Variants in PGAP6 observed in about 807,000 individuals in gnomAD.
The protein encoded by PGAP6 is post-GPI attachment to proteins 6.
In PGAP6, 62 loss-of-function variants were observed where a neutral mutation model predicts 68.4. That is an observed-to-expected ratio of 0.91 (90% CI 0.74 to 1.12). The LOEUF (loss-of-function observed/expected upper bound fraction) is 1.12. Ranked by LOEUF, PGAP6 falls within the 50% of genes most tolerant of loss-of-function variation. The probability of loss-of-function intolerance (pLI) is 0.00; values close to 1 mark genes in which losing one functional copy is unlikely to be tolerated. For missense variants in PGAP6, 1,188 were observed against 1,068.5 expected, an observed-to-expected ratio of 1.11 and a Z score of -1.56; for synonymous variants, 575 against 474.0, an observed-to-expected ratio of 1.21 and a Z score of -2.77.
intron 1 of PGAP6, among the ~76,000 whole-genome samples, 185 bp downstream of exon 1, chr16:381,516 G>A (rs1039879294): frequency 2.6e-5 from 4 of 152,210 alleles, no homozygotes; most frequent in East Asian, 3.9e-4. Context: ...GCGGGGTCCC[G>A]TCCGCCTCGA....
rs866534794 is a variant in PGAP6, at chr16:381,915, G to C, written c.-94C>G. The C allele has an allele frequency of 3.2e-6, 1 of 308,194 alleles. No homozygotes were observed. The highest frequency in any genetic ancestry group is 4.5e-5 in the African/African-American group (1 of 22,306). The allele number at this position is 308,194 out of a possible 1,614,324, so 19.1% of individuals were successfully genotyped here. On this transcript the variant is annotated 5_prime_UTR_variant, in exon 1 of 13. Transcript: ENST00000431232. ...AGCCTCTGCCGCCTCCGCCTCTGCC[G>C]CCTCCGCCTCTGCCCCCGGCGCCCA...
chr16:379,369 A>G (rs1252157210), intron 1 of PGAP6, among the ~76,000 whole-genome samples: 1 of 152,248 alleles, frequency 6.6e-6, no homozygotes, highest in Non-Finnish European at 1.5e-5. Flanking sequence ...GCCAAGCTCC[A>G]GGGGAACCTG....
chr16:380,948 G>A (rs1258694644), intron 1 of PGAP6, among the ~76,000 whole-genome samples: 2 of 152,212 alleles, frequency 1.3e-5, no homozygotes, highest in African/African-American at 2.4e-5. Flanking sequence ...ACAGAGGCCG[G>A]GGCAAGTCCT....
chr16:378,265 GCCATCCCCACCCAC>G (rs2054406696), intron 1 of PGAP6, among the ~76,000 whole-genome samples: 23 of 142,514 alleles, frequency 1.6e-4, no homozygotes, highest in Non-Finnish European at 2.4e-4. Flanking sequence ...CACCCGCACT[GCCATCCCCACCCAC>G]ACTGCCATCG....
upstream of PGAP6, chr16:382,199 C>T (rs1200197324): frequency 4.3e-5 from 17 of 392,042 alleles, no homozygotes; most frequent in Non-Finnish European, 7.2e-5. Context: ...GGTCCCAGGA[C>T]GGAGAGGTCG....
At chr16:380,027 G>T (rs2054424182) in intron 1 of PGAP6, among the ~76,000 whole-genome samples, 1 of 152,220 alleles carries the variant, frequency 6.6e-6, no homozygotes. Context: ...ACCGGGACAG[G>T]CACCCATGGG....
chr16:374,130 G>C lies in PGAP6; in HGVS notation c.1777C>G (p.Pro593Ala), dbSNP rs908997023. The C allele has an allele frequency of 1.9e-6, 3 of 1,611,014 alleles. No individual in the cohort carries two copies. Among genetic ancestry groups the C allele is most frequent in the Non-Finnish European group, 2.5e-6 (3 of 1,179,946 alleles). Residue 593 changes from proline to alanine, a missense_variant, in exon 11 of 13, where the codon CCC becomes GCC. Pro to Ala is a conservative substitution (Grantham distance 27). Coordinates refer to ENST00000431232, the MANE Select transcript of PGAP6 (RefSeq NM_021259.3). ...AGGATGCACAGCACCGCCTCCCCGG[G>C]CTGGTCGCAGGCGTGGTAGAACTGT... ...FSTFYHACDQ[P>A]GEAVLCILSY...
intron 1 of PGAP6, among the ~76,000 whole-genome samples, chr16:378,367 C>T (rs1378702580): frequency 2.5e-5 from 3 of 118,692 alleles, no homozygotes; most frequent in East Asian, 2.2e-4. Context: ...CATCCCCACC[C>T]GCACTGCCAT....
In PGAP6 at chr16:377,412, T is replaced by G. The variant is rs1164985859; in HGVS notation, c.473A>C (p.His158Pro). The change falls in exon 3 of 13, where the codon CAC (histidine) becomes CCC (proline). Residue 158 changes from histidine to proline, a missense_variant. Transcript: ENST00000431232. ...PAPGDWFVAA[H>P]LPPSSQKIEL... ...GATCTTCTGGGATGAGGGGGGCAGG[T>G]GGGCGGCCACGAACCAGTCCCCGGG... 6.2e-7 allele frequency: 1 copy of G among 1,606,040 alleles called. No individual in the cohort carries two copies. Among genetic ancestry groups the G allele is most frequent in the East Asian group, 2.2e-5 (1 of 44,596 alleles).
At chr16:384,769 T>C (rs1429665180), upstream of PGAP6, among the ~76,000 whole-genome samples, 2 of 149,906 alleles carry the variant, frequency 1.3e-5, no homozygotes, top group East Asian at 3.9e-4. Flanking sequence ...GGCAGGAGAA[T>C]GGCGTGAACC....
At position 374,868 on chromosome 16, in the gene PGAP6, G is replaced by C. The variant is rs376440582; in HGVS notation, c.1464C>G (p.His488Gln). 4.3e-6 allele frequency: 7 copies of C among 1,612,840 alleles called. No individual in the cohort carries two copies. The highest frequency in any genetic ancestry group is 1.1e-5 in the South Asian group (1 of 91,086). The change falls in exon 9 of 13, where the codon CAC becomes CAG. Residue 488 changes from histidine (H) to glutamine (Q), a missense_variant. Coordinates refer to ENST00000431232, the MANE Select transcript of PGAP6 (RefSeq NM_021259.3). ...NAEDCEQAVV[H>Q]VETTLYLVPC... ...GCACCAGGTACAAGGTGGTCTCCAC[G>C]TGGACCACAGCCTGCTCACAGTCCC...
intron 1 of PGAP6, among the ~76,000 whole-genome samples, chr16:378,270 C>T (rs2054406783): frequency 6.9e-6 from 1 of 144,316 alleles, no homozygotes; most frequent in African/African-American, 2.6e-5. Flanking sequence ...GCACTGCCAT[C>T]CCCACCCACA....
upstream of PGAP6, chr16:386,759 C>G (rs751648903): frequency 4.7e-6 from 2 of 425,634 alleles, no homozygotes; most frequent in East Asian, 1.2e-4. Context: ...GGCCTTTTCA[C>G]AAGATGGCGC....
intron 1 of PGAP6, among the ~76,000 whole-genome samples, chr16:378,862 CCTAA>C (rs778942555): frequency 3.9e-4 from 59 of 152,354 alleles, no homozygotes; most frequent in Non-Finnish European, 7.1e-4. Flanking sequence ...GGGCAAGGCT[CCTAA>C]CTGTCCTCAG....
chr16:372,945 G>T (rs575007316), intron 11 of PGAP6, among the ~76,000 whole-genome samples: 9 of 152,278 alleles, frequency 5.9e-5, no homozygotes, highest in African/African-American at 2.2e-4. Context: ...ATGTGGCCAG[G>T]CAGGCATCTC....
rs1028984143 is a variant in PGAP6 at position 371,841 on chromosome 16, C to T, written c.*146G>A. On this transcript the variant is annotated 3_prime_UTR_variant, in exon 13 of 13. Coordinates refer to ENST00000431232, the MANE Select transcript of PGAP6 (RefSeq NM_021259.3). ...GTGCGTGTGAGGGAGGGGTGGCCCT[C>T]TCCTCAGTAGGAGGAAGTAAGAGGG... The T allele has an allele frequency of 6.1e-6, 5 of 815,724 alleles. No individual in the cohort carries two copies. Among genetic ancestry groups the T allele is most frequent in the Admixed American group, 2.8e-5 (1 of 35,442 alleles). The allele number at this position is 815,724 out of a possible 1,614,324, so 50.5% of individuals were successfully genotyped here.
chr16:374,442 GA>G (rs2054362963), intron 9 of PGAP6, 43 bp from the exon 10 acceptor site: 13 of 1,509,972 alleles, frequency 8.6e-6, no homozygotes, highest in Non-Finnish European at 8.8e-6. Flanking sequence ...GGGCACTGCT[GA>G]ACCTCAGGGC....
chr16:379,973 T>C (rs1281448028), intron 1 of PGAP6, among the ~76,000 whole-genome samples: 1 of 152,228 alleles, frequency 6.6e-6, no homozygotes, highest in Non-Finnish European at 1.5e-5. Flanking sequence ...TCCCTGGCCC[T>C]GTCCTGGGAA....
rs374864682 is a variant in PGAP6 at position 374,080 on chromosome 16, G to A, written c.1827C>T (p.Cys609=). Reference sequence around the variant, plus strand: ...TGGCCGCCCCGGAGCCCAAGAAGTCGCAGTACTGCAGCGTGTCGTAGCTGA... The same window carrying A: ...TGGCCGCCCCGGAGCCCAAGAAGTCACAGTACTGCAGCGTGTCGTAGCTGA... ...CILSYDTLQY[C]DFLGSGAAIW... Residue 609 remains cysteine (C), a synonymous_variant, in exon 11 of 13, where the codon TGC becomes TGT. Coordinates refer to ENST00000431232, the MANE Select transcript of PGAP6 (RefSeq NM_021259.3). The A allele has an allele frequency of 2.5e-5, 41 of 1,611,828 alleles. No homozygotes were observed. Among genetic ancestry groups the A allele is most frequent in the East Asian group, 1.8e-4 (8 of 44,896 alleles).
Sources: allele counts gnomAD v4.1 joint callset (sites outside exome capture counted in the v4.1 genomes callset), GRCh38; gene constraint gnomAD v4.1.1; transcripts MANE v1.5; gene names NCBI Gene and HGNC (gene_info 2026-07-23, HGNC 2026-07-21).